Variants in ZBTB20 observed in about 807,000 individuals in gnomAD.
The protein encoded by ZBTB20 is zinc finger and BTB domain containing 20, also known as zinc finger and BTB domain-containing protein 20.
A neutral mutation model predicts 56.9 loss-of-function variants in ZBTB20; 9 were observed. The observed-to-expected ratio is 0.16, with a 90% CI of 0.10 to 0.28. The LOEUF (loss-of-function observed/expected upper bound fraction) is 0.28, where lower values mean the gene tolerates loss of function less well. Among genes scored for constraint, ZBTB20 ranks in the 10% least tolerant of loss-of-function variants. The pLI is 1.00. For missense variants in ZBTB20, 655 were observed against 1,003.0 expected (o/e 0.65, Z 4.69); for synonymous variants, 417 against 420.7 (o/e 0.99, Z 0.11).
intron 6 of ZBTB20, among the ~76,000 whole-genome samples, chr3:114,672,884 C>G (rs1010098817): frequency 6.6e-6 from 1 of 152,046 alleles, no homozygotes; most frequent in African/African-American, 2.4e-5. Context: ...CATCACGTGA[C>G]TCAAAATCAA....
At chr3:114,499,640 A>C (rs2043705552) in intron 7 of ZBTB20, among the ~76,000 whole-genome samples, 1 of 152,228 alleles carries the variant, frequency 6.6e-6, no homozygotes, top group South Asian at 2.1e-4. Context: ...TTTTTCAAGC[A>C]GTTCAAAATA....
At chr3:114,740,109 T>G (rs2066466987) in intron 5 of ZBTB20, among the ~76,000 whole-genome samples, 1 of 152,204 alleles carries the variant, frequency 6.6e-6, no homozygotes. Flanking sequence ...AACAGCTTAT[T>G]TTGTATTTTC....
At position 114,910,824 on chromosome 3, in the gene ZBTB20, T is replaced by G. The variant is rs1180428456; in HGVS notation, c.-455-10482A>C. 2.6e-5 allele frequency among the ~76,000 whole-genome samples: 4 copies of G among 152,150 alleles called. No individual in the cohort carries two copies. In the East Asian group the frequency reaches 7.7e-4, roughly 29 times the overall value. ...ACTATTTACTCATCTTTCTTAATTA[T>G]GTTCACAGAGGACATTATGCTGTCT... is the stretch of plus-strand genomic sequence containing the variant. On this transcript the variant is annotated intron_variant, in intron 3 of 11. Coordinates refer to ENST00000675478, the MANE Select transcript of ZBTB20 (RefSeq NM_001348800.3).
At chr3:114,715,287 C>A (rs1018196343) in intron 5 of ZBTB20, among the ~76,000 whole-genome samples, 1 of 152,140 alleles carries the variant, frequency 6.6e-6, no homozygotes, top group Middle Eastern at 3.2e-3. Flanking sequence ...CCCTAACAAC[C>A]CGAGGTGGAA....
chr3:115,097,325 T>C lies in ZBTB20; in HGVS notation c.-702-25911A>G, dbSNP rs546451575. On this transcript the variant is annotated intron_variant, in intron 1 of 11. Transcript: ENST00000675478. ...TCCCGAGTAGCTGGGACTACAGGCA[T>C]GCACCACCACGCCCAGGTAGTTTTT... Among the ~76,000 whole-genome samples, 7 of 152,042 alleles carry C rather than the reference T, an allele frequency of 4.6e-5. No individual in the cohort carries two copies. The South Asian group carries it at 1.2e-3, about 27-fold the overall frequency.
intron 4 of ZBTB20, among the ~76,000 whole-genome samples, chr3:114,821,600 A>G (rs1401969656): frequency 6.6e-6 from 1 of 151,936 alleles, no homozygotes; most frequent in Non-Finnish European, 1.5e-5. Flanking sequence ...CTTGCGCCCG[A>G]CCCTACCATC....
chr3:115,134,263 T>A (rs115645442), intron 1 of ZBTB20, among the ~76,000 whole-genome samples: 3 of 152,322 alleles, frequency 2.0e-5, no homozygotes, highest in Non-Finnish European at 4.4e-5. Flanking sequence ...TCTGGGAATG[T>A]TTTAATTTCT....
At chr3:115,065,662 C>A (rs2082181092) in intron 2 of ZBTB20, among the ~76,000 whole-genome samples, 1 of 152,154 alleles carries the variant, frequency 6.6e-6, no homozygotes, top group Admixed American at 6.6e-5. Context: ...ATGCTATTCA[C>A]AGGGTCATAA....
chr3:114,820,666 A>G (rs148694904), intron 4 of ZBTB20, among the ~76,000 whole-genome samples: 6 of 152,272 alleles, frequency 3.9e-5, no homozygotes, highest in African/African-American at 1.4e-4. Context: ...TTTCATATAC[A>G]TGTAGAATTA....
intron 1 of ZBTB20, among the ~76,000 whole-genome samples, chr3:115,098,382 C>A (rs2083454940): frequency 6.6e-6 from 1 of 152,062 alleles, no homozygotes. Context: ...CATACAGTAT[C>A]AGTTTTGAAA....
Position 114,333,917 on chromosome 3 carries a change from A to G in ZBTB20, c.*5088T>C, listed in dbSNP as rs2079358148. ...GCAATTCTTTTGTTCTCTGCCCTAGAGCTTCCATTACCCTGGACTTCAACT... is the reference window on the plus strand; with the variant it reads ...GCAATTCTTTTGTTCTCTGCCCTAGGGCTTCCATTACCCTGGACTTCAACT... On this transcript the variant is annotated 3_prime_UTR_variant, in exon 12 of 12. Coordinates refer to ENST00000675478, the MANE Select transcript of ZBTB20 (RefSeq NM_001348800.3). 2 of 152,114 alleles carry G rather than the reference A, an allele frequency of 1.3e-5. No homozygotes were observed. The highest frequency in any genetic ancestry group is 2.9e-5 in the Non-Finnish European group (2 of 68,028). 9.4% of individuals were successfully genotyped at this position (152,114 alleles called of 1,614,324 possible).
intron 10 of ZBTB20, among the ~76,000 whole-genome samples, chr3:114,378,509 A>T (rs2083924174): frequency 6.6e-6 from 1 of 152,256 alleles, no homozygotes; most frequent in African/African-American, 2.4e-5. Context: ...GCCAATGCTA[A>T]GGCCTGGCCA....
At chr3:114,751,981 T>A (rs932693567) in intron 5 of ZBTB20, among the ~76,000 whole-genome samples, 1 of 152,120 alleles carries the variant, frequency 6.6e-6, no homozygotes, top group African/African-American at 2.4e-5. Flanking sequence ...TCTCTGGTAA[T>A]AAAAATAACT....
intron 7 of ZBTB20, among the ~76,000 whole-genome samples, chr3:114,462,863 G>A (rs557281395): frequency 1.6e-4 from 24 of 152,302 alleles, no homozygotes; most frequent in Admixed American, 2.6e-4. Flanking sequence ...AGCTAACCAT[G>A]TCTTTTCCTT....
At chr3:114,674,804 C>T (rs2061537128) in intron 6 of ZBTB20, among the ~76,000 whole-genome samples, 1 of 151,772 alleles carries the variant, frequency 6.6e-6, no homozygotes, top group Admixed American at 6.6e-5. Flanking sequence ...ATATAATACA[C>T]AACACTGAAA....
At chr3:114,739,518 C>T (rs2066426413) in intron 5 of ZBTB20, among the ~76,000 whole-genome samples, 1 of 152,194 alleles carries the variant, frequency 6.6e-6, no homozygotes, top group Non-Finnish European at 1.5e-5. Context: ...CTGTGCAAAA[C>T]TTTGAGGCTG....
rs556597823 is a variant in ZBTB20, at chr3:115,055,925, C to T, written c.-507+15294G>A. On this transcript the variant is annotated intron_variant, in intron 2 of 11. Transcript: ENST00000675478. ...ATAGCTTTGGGGTAGAAAAATGTTC[C>T]TTGGCATAATCCAAGGTAAAGACCC... Among the ~76,000 whole-genome samples, 172 of 152,036 alleles carry T rather than the reference C, an allele frequency of 1.1e-3. 2 individuals carry two copies. Among genetic ancestry groups the T allele is most frequent in the Non-Finnish European group, 1.7e-3 (118 of 67,948 alleles).
intron 1 of ZBTB20, among the ~76,000 whole-genome samples, chr3:115,075,535 A>AT (rs1560550418): frequency 6.6e-6 from 1 of 152,206 alleles, no homozygotes; most frequent in African/African-American, 2.4e-5. Context: ...ATAGAAGGAC[A>AT]TTTAGGTTGT....
At chr3:114,440,849 G>A (rs1049050625) in intron 7 of ZBTB20, among the ~76,000 whole-genome samples, 21 of 152,148 alleles carry the variant, frequency 1.4e-4, no homozygotes, top group Admixed American at 1.3e-3. Context: ...ACAAAAGCCA[G>A]AGCTTTCTGT....
Sources: allele counts gnomAD v4.1 joint callset (sites outside exome capture counted in the v4.1 genomes callset), GRCh38; gene constraint gnomAD v4.1.1; transcripts MANE v1.5; gene names NCBI Gene and HGNC (gene_info 2026-07-23, HGNC 2026-07-21).